CAMK2A: variants seen among roughly 807,000 people sequenced by gnomAD.
The protein encoded by CAMK2A is calcium/calmodulin-dependent protein kinase type II subunit alpha.
Under a neutral mutation model 79.2 loss-of-function variants are expected in CAMK2A, and 7 were observed. The ratio of observed to expected loss-of-function variants is 0.09; its 90% CI spans 0.05 to 0.17. CAMK2A has a LOEUF of 0.17. Among genes scored for constraint, CAMK2A ranks in the 10% least tolerant of loss-of-function variants. The pLI is 1.00. For missense variants in CAMK2A, 214 were observed against 646.4 expected, an observed-to-expected ratio of 0.33 and a Z score of 7.25; for synonymous variants, 242 against 251.7, an observed-to-expected ratio of 0.96 and a Z score of 0.36.
chr5:150,232,360 A>T (rs1006013785), intron 15 of CAMK2A, among the ~76,000 whole-genome samples: 1 of 152,184 alleles, frequency 6.6e-6, no homozygotes, highest in Non-Finnish European at 1.5e-5. Flanking sequence ...TGCACCTCAT[A>T]AGTGCAACCA....
chr5:150,234,320 G>A (rs1754973839), intron 15 of CAMK2A, among the ~76,000 whole-genome samples: 1 of 152,208 alleles, frequency 6.6e-6, no homozygotes. Context: ...GTCTAGCACA[G>A]TGGCTGAGGT....
At chr5:150,245,306 G>C (rs1216140904) in intron 12 of CAMK2A, 105 bp from the exon 13 acceptor site, 2 of 1,053,060 alleles carry the variant, frequency 1.9e-6, no homozygotes, top group Non-Finnish European at 2.9e-6. Flanking sequence ...CAGACTGCAG[G>C]GAGCAGAGCT....
At chr5:150,271,830 G>A (rs919110393) in intron 2 of CAMK2A, among the ~76,000 whole-genome samples, 7 of 152,174 alleles carry the variant, frequency 4.6e-5, no homozygotes, top group African/African-American at 1.4e-4. Flanking sequence ...AAATTTTAAC[G>A]TCCACAATCA....
intron 2 of CAMK2A, among the ~76,000 whole-genome samples, chr5:150,268,411 C>T (rs1217476960): frequency 6.6e-6 from 1 of 152,170 alleles, no homozygotes. Flanking sequence ...TGGGTCTTCT[C>T]ATCAGGCAGG....
chr5:150,240,031 C>T (rs908797043), intron 13 of CAMK2A, among the ~76,000 whole-genome samples: 1 of 152,176 alleles, frequency 6.6e-6, no homozygotes, highest in African/African-American at 2.4e-5. Context: ...GGCTACCCAC[C>T]CTGCCTAACT....
At chr5:150,286,826 C>T (rs982323334) in intron 1 of CAMK2A, among the ~76,000 whole-genome samples, 4 of 152,236 alleles carry the variant, frequency 2.6e-5, no homozygotes, top group Non-Finnish European at 4.4e-5. Flanking sequence ...AGATCCCATT[C>T]CTCACTTTCA....
intron 17 of CAMK2A, among the ~76,000 whole-genome samples, chr5:150,225,041 G>GGAGA (rs58360121): frequency 0.027 from 2,901 of 108,758 alleles, 31 homozygotes; most frequent in African/African-American, 0.031. Context: ...TGGTAGGTAG[G>GGAGA]GAGAGAGAGA....
At chr5:150,283,148 C>T (rs1306073390) in intron 1 of CAMK2A, among the ~76,000 whole-genome samples, 2 of 152,216 alleles carry the variant, frequency 1.3e-5, no homozygotes, top group East Asian at 3.8e-4. Flanking sequence ...TGCCTGGCCC[C>T]CTCTTCCAGA....
chr5:150,251,596 C>T (rs147605223), intron 9 of CAMK2A, among the ~76,000 whole-genome samples, 154 bp downstream of exon 9: 429 of 152,330 alleles, frequency 2.8e-3, no homozygotes, highest in Non-Finnish European at 5.2e-3. Context: ...AATCTCCAAT[C>T]ATTAGGCACA....
chr5:150,225,328 G>A (rs1386402491), intron 17 of CAMK2A, among the ~76,000 whole-genome samples: 2 of 152,122 alleles, frequency 1.3e-5, no homozygotes, highest in Non-Finnish European at 2.9e-5. Context: ...TGTGCATAGG[G>A]TGGGAGAGAA....
chr5:150,250,594 C>A, intron 10 of CAMK2A, 94 bp downstream of exon 10: 2 of 1,531,280 alleles, frequency 1.3e-6, no homozygotes, highest in East Asian at 4.5e-5. Flanking sequence ...CCCTCTTGGC[C>A]CCATGGGCCA....
At position 150,260,745 on chromosome 5, in the gene CAMK2A, AG is replaced by A. The variant is rs534118671; in HGVS notation, c.218-3129del. Among the ~76,000 whole-genome samples the A allele has an allele frequency of 2.4e-4, 36 of 152,298 alleles. No homozygotes were observed. In the South Asian group the frequency reaches 7.5e-3, roughly 32 times the overall value. Reference sequence around the variant, plus strand: ...TCATTAAATGTTAATTCTAGATGTGAGGTTATAGAAGATACTTTAAAAAGTA... The same window carrying A: ...TCATTAAATGTTAATTCTAGATGTGAGTTATAGAAGATACTTTAAAAAGTA... On this transcript the variant is annotated intron_variant, in intron 3 of 18. Transcript: ENST00000671881.
At chr5:150,264,901 G>A (rs1347273346) in intron 3 of CAMK2A, 55 bp downstream of exon 3, 3 of 1,384,792 alleles carry the variant, frequency 2.2e-6, no homozygotes, top group Admixed American at 1.7e-5. Context: ...GTGCCAGGGT[G>A]GGCAGGGGAG....
intron 1 of CAMK2A, among the ~76,000 whole-genome samples, chr5:150,274,892 C>T (rs115852525): frequency 0.019 from 2,872 of 152,340 alleles, 44 homozygotes; most frequent in Non-Finnish European, 0.027. Context: ...AACTTGGATG[C>T]CCCATCCCAA....
At chr5:150,288,342 C>T (rs1757518502) in intron 1 of CAMK2A, among the ~76,000 whole-genome samples, 1 of 152,126 alleles carries the variant, frequency 6.6e-6, no homozygotes, top group African/African-American at 2.4e-5. Context: ...TTCAACCCAG[C>T]CAACAGCACT....
In CAMK2A at chr5:150,219,564, A is replaced by AC. The variant is rs199658748; in HGVS notation, c.*3145dup. The AC allele has an allele frequency of 7.2e-4, 13 of 18,148 alleles. No individual in the cohort carries two copies. The highest frequency in any genetic ancestry group is 1.8e-3 in the African/African-American group (11 of 6,110). The allele number at this position is 18,148 out of a possible 1,614,324, so 1.1% of individuals were successfully genotyped here. A position where few individuals can be genotyped will look rare whatever the true frequency, so the allele number is the denominator to read the frequency against. ...AACAAACGCCCCTTCTTCCCATCCC[A>AC]CCCGCCCCCCCCAATAGCAGAAAGT... On this transcript the variant is annotated 3_prime_UTR_variant, in exon 19 of 19. Coordinates refer to ENST00000671881, the MANE Select transcript of CAMK2A (RefSeq NM_015981.4).
chr5:150,229,602 G>A (rs982340193), intron 16 of CAMK2A, among the ~76,000 whole-genome samples: 2 of 152,196 alleles, frequency 1.3e-5, no homozygotes, highest in South Asian at 2.1e-4. Flanking sequence ...GATGTCAGAG[G>A]AGGTGACATC....
At chr5:150,230,933 A>G (rs1182770753) in intron 16 of CAMK2A, among the ~76,000 whole-genome samples, 3 of 152,140 alleles carry the variant, frequency 2.0e-5, no homozygotes, top group African/African-American at 7.2e-5. Context: ...CTGGGCAGGA[A>G]TGAAGGGAAC....
intron 3 of CAMK2A, 30 bp downstream of exon 3, chr5:150,264,926 C>G (rs1010135041): frequency 2.5e-6 from 4 of 1,602,786 alleles, no homozygotes; most frequent in Non-Finnish European, 2.6e-6. Flanking sequence ...GCCTGGCTCC[C>G]CTGCGCCCCT....
Sources: gnomAD v4.1 joint callset for allele counts (sites outside exome capture counted in the v4.1 genomes callset) on GRCh38, gnomAD v4.1.1 for gene constraint, MANE v1.5 for transcripts, NCBI Gene and HGNC (gene_info 2026-07-23, HGNC 2026-07-21) for gene names.